The following RAB5C variants were observed in gnomAD, a reference collection of about 807,000 sequenced individuals.
RAB5C encodes ras-related protein Rab-5C.
Under a neutral mutation model 25.2 loss-of-function variants are expected in RAB5C, and 4 were observed. The observed-to-expected ratio is 0.16, with a 90% CI of 0.08 to 0.36. The LOEUF (loss-of-function observed/expected upper bound fraction) is 0.36, where lower values mean the gene tolerates loss of function less well. RAB5C is among the 10% of genes least tolerant of loss of function. The pLI, the probability that RAB5C is intolerant of heterozygous loss-of-function variation, is 1.00. For synonymous variants in RAB5C, 100 were observed against 106.4 expected, an observed-to-expected ratio of 0.94 and a Z score of 0.37; for missense variants, 199 against 283.8, an observed-to-expected ratio of 0.70 and a Z score of 2.15.
chr17:42,135,381 C>T (rs1403143717), intron 1 of RAB5C, among the ~76,000 whole-genome samples: 1 of 151,932 alleles, frequency 6.6e-6, no homozygotes, highest in East Asian at 1.9e-4. Flanking sequence ...TTTCAGCCTC[C>T]AGTCAAACTC....
chr17:42,126,751 T>C lies in RAB5C; in HGVS notation c.535+4A>G, dbSNP rs765350196. The C allele has an allele frequency of 6.2e-7, 1 of 1,600,692 alleles. No homozygotes were observed. Among genetic ancestry groups the C allele is most frequent in the South Asian group, 1.1e-5 (1 of 90,716 alleles). ...GAGAGAGGAGGGGAGGAGAAGCAAC[T>C]GACCTATTGCCATGAAGATTTCGTT... On this transcript the variant is annotated splice_donor_region_variant and intron_variant, in intron 5 of 5. Transcript: ENST00000346213.
intron 4 of RAB5C, 36 bp downstream of exon 4, chr17:42,128,225 A>C (rs1406867071): frequency 2.5e-6 from 4 of 1,600,606 alleles, no homozygotes; most frequent in Non-Finnish European, 3.4e-6. Flanking sequence ...GGAGCTGCTT[A>C]CTCCACTCCT....
At chr17:42,148,403 CAAAAAAA>C (rs71228786) in intron 1 of RAB5C, among the ~76,000 whole-genome samples, 6 of 57,396 alleles carry the variant, frequency 1.0e-4, no homozygotes, top group Non-Finnish European at 2.1e-4. Context: ...GACTCCATCT[CAAAAAAA>C]AAAAAAAAAA....
In RAB5C at chr17:42,128,829, A is replaced by T. The variant is rs199870152; in HGVS notation, c.167-29T>A. On this transcript the variant is annotated intron_variant, in intron 2 of 5. Transcript: ENST00000346213. ...TAAGAGAGAAGGAGCGTCCATGGGC[A>T]AGAGCGAGTTGGAATCCACCCCACA... The T allele has an allele frequency of 7.7e-5, 110 of 1,435,082 alleles. 1 individual carries two copies. The highest frequency in any genetic ancestry group is 5.0e-5 in the Admixed American group (2 of 39,850). 88.9% of individuals were successfully genotyped at this position (1,435,082 alleles called of 1,614,324 possible).
At chr17:42,126,273 G>A (rs900529991) in intron 5 of RAB5C, among the ~76,000 whole-genome samples, 1 of 152,084 alleles carries the variant, frequency 6.6e-6, no homozygotes, top group African/African-American at 2.4e-5. Flanking sequence ...AACTTCTCGG[G>A]TGAACAACCA....
At chr17:42,153,213 C>T (rs935141045) in intron 1 of RAB5C, among the ~76,000 whole-genome samples, 2 of 152,118 alleles carry the variant, frequency 1.3e-5, no homozygotes, top group East Asian at 1.9e-4. Context: ...GTCAGGAGTT[C>T]GAGACCAGCC....
intron 2 of RAB5C, among the ~76,000 whole-genome samples, chr17:42,129,699 A>C (rs1243592486): frequency 6.6e-6 from 1 of 152,196 alleles, no homozygotes; most frequent in East Asian, 1.9e-4. Context: ...GACATGGCCC[A>C]TTTTGTTTCC....
At chr17:42,153,061 AG>A (rs1314154065) in intron 1 of RAB5C, among the ~76,000 whole-genome samples, 1 of 152,208 alleles carries the variant, frequency 6.6e-6, no homozygotes, top group Non-Finnish European at 1.5e-5. Context: ...ACACAGATAC[AG>A]AGCCTGTGAT....
intron 3 of RAB5C, 85 bp from the exon 4 acceptor site, chr17:42,128,468 G>T: frequency 6.6e-7 from 1 of 1,508,984 alleles, no homozygotes; most frequent in Non-Finnish European, 8.9e-7. Flanking sequence ...AGCTGGCACA[G>T]CCAAATTATC....
intron 1 of RAB5C, among the ~76,000 whole-genome samples, chr17:42,132,284 G>C (rs1454450517): frequency 2.6e-5 from 4 of 152,264 alleles, no homozygotes; most frequent in Non-Finnish European, 5.9e-5. Flanking sequence ...CAAAGGAAAA[G>C]AGGTTTGAAA....
intron 5 of RAB5C, 56 bp downstream of exon 5, chr17:42,126,699 G>A (rs1213689684): frequency 9.9e-7 from 1 of 1,005,354 alleles, no homozygotes; most frequent in South Asian, 1.3e-5. Flanking sequence ...TAGACCAGCA[G>A]ACAGGTGATA....
At chr17:42,154,770 AGG>A (rs1022610150) in intron 1 of RAB5C, 121 bp downstream of exon 1, 4 of 152,222 alleles carry the variant, frequency 2.6e-5, no homozygotes, top group African/African-American at 9.7e-5. Flanking sequence ...GCCCCTCAAG[AGG>A]GGGCTACGGG....
intron 1 of RAB5C, among the ~76,000 whole-genome samples, chr17:42,134,903 T>C (rs1357312377): frequency 2.6e-5 from 4 of 152,104 alleles, no homozygotes; most frequent in Non-Finnish European, 5.9e-5. Flanking sequence ...AATGGGACAC[T>C]GTTCTTCCCT....
At chr17:42,126,983 C>T in intron 4 of RAB5C, 135 bp from the exon 5 acceptor site, 1 of 539,882 alleles carries the variant, frequency 1.9e-6, no homozygotes, top group Non-Finnish European at 3.4e-6. Context: ...CAGGAGTTTT[C>T]AGGCCTAAGG....
chr17:42,135,528 G>A (rs901136792), intron 1 of RAB5C, among the ~76,000 whole-genome samples: 2 of 152,114 alleles, frequency 1.3e-5, no homozygotes, highest in African/African-American at 4.8e-5. Flanking sequence ...AAGCACAAGA[G>A]CTACAGTTGA....
At chr17:42,136,474 G>A (rs1442994515) in intron 1 of RAB5C, 1 of 152,246 alleles carries the variant, frequency 6.6e-6, no homozygotes, top group Non-Finnish European at 1.5e-5. Context: ...TTGGGAGGCT[G>A]AGCCGGGTTT....
rs539877853 is a variant in RAB5C, at chr17:42,145,569, A to G, written c.-89+9324T>C. Among the ~76,000 whole-genome samples the G allele has an allele frequency of 3.3e-5, 5 of 152,344 alleles. No individual in the cohort carries two copies. In the South Asian group the frequency reaches 1.0e-3, roughly 32 times the overall value. On this transcript the variant is annotated intron_variant, in intron 1 of 5. Coordinates refer to ENST00000346213, the MANE Select transcript of RAB5C (RefSeq NM_004583.4). Reference sequence around the variant, plus strand: ...ACCACTTTGGGAAGCTGAGGTGAGCAGATCGCTTGAGCTCAGGAGTTTGAG... The same window carrying G: ...ACCACTTTGGGAAGCTGAGGTGAGCGGATCGCTTGAGCTCAGGAGTTTGAG...
At chr17:42,127,332 G>C (rs1387715088) in intron 4 of RAB5C, among the ~76,000 whole-genome samples, 1 of 152,130 alleles carries the variant, frequency 6.6e-6, no homozygotes, top group Non-Finnish European at 1.5e-5. Context: ...CAAGAAACTG[G>C]GGAAATTAGA....
At chr17:42,131,735 T>C in intron 1 of RAB5C, 1 of 947,040 alleles carries the variant, frequency 1.1e-6, no homozygotes, top group Non-Finnish European at 1.6e-6. Context: ...CTGAATCACT[T>C]GGTTAGTGAC....
Sources: gnomAD v4.1 joint callset for allele counts (sites outside exome capture counted in the v4.1 genomes callset) on GRCh38, gnomAD v4.1.1 for gene constraint, MANE v1.5 for transcripts, NCBI Gene and HGNC (gene_info 2026-07-23, HGNC 2026-07-21) for gene names.